Variants in CROCC observed in about 807,000 individuals in gnomAD.
The protein encoded by CROCC is ciliary rootlet coiled-coil, rootletin, also known as rootletin.
A neutral mutation model predicts 245.2 loss-of-function variants in CROCC; 180 were observed. That is an observed-to-expected ratio of 0.73 (90% CI 0.65 to 0.83). CROCC has a LOEUF of 0.83. Among genes scored for constraint, CROCC ranks in the 40% least tolerant of loss-of-function variants. CROCC has a pLI of 0.00. For synonymous variants in CROCC, 1,205 were observed against 1,241.6 expected, an observed-to-expected ratio of 0.97 and a Z score of 0.62; for missense variants, 2,688 against 2,779.4, an observed-to-expected ratio of 0.97 and a Z score of 0.74.
In CROCC at chr1:16,946,943, C is replaced by T. The variant is rs1329439649; in HGVS notation, c.2466C>T (p.Leu822=). The change falls in exon 17 of 37, where the codon CTC becomes CTT. Residue 822 remains leucine (L), a synonymous_variant. Coordinates refer to ENST00000375541, the MANE Select transcript of CROCC (RefSeq NM_014675.5). The part of the protein sequence containing the change: ...EQAQEALEQQ[L]PTLRHERSQL... ...CCCAGGAGGCATTGGAGCAGCAGCTCCCCACGCTGCGCCATGAGCGCAGCC... is the reference window on the plus strand; with the variant it reads ...CCCAGGAGGCATTGGAGCAGCAGCTTCCCACGCTGCGCCATGAGCGCAGCC... The T allele has an allele frequency of 1.3e-6, 2 of 1,560,436 alleles. No individual in the cohort carries two copies. Among genetic ancestry groups the T allele is most frequent in the Non-Finnish European group, 1.7e-6 (2 of 1,152,964 alleles).
At chr1:16,917,169 G>A (rs2075315836), upstream of CROCC, among the ~76,000 whole-genome samples, 2 of 152,294 alleles carry the variant, frequency 1.3e-5, no homozygotes, top group African/African-American at 2.4e-5. Flanking sequence ...GGCACACCTA[G>A]GTCGCGGCTG....
chr1:16,948,034 TC>T (rs1366229783), intron 17 of CROCC, among the ~76,000 whole-genome samples: 1 of 152,288 alleles, frequency 6.6e-6, no homozygotes, highest in Non-Finnish European at 1.5e-5. Context: ...AGACAGGGTT[TC>T]ACCCCGTTGG....
At chr1:16,933,751 A>T (rs571803222) in intron 8 of CROCC, among the ~76,000 whole-genome samples, 2 of 152,350 alleles carry the variant, frequency 1.3e-5, no homozygotes, top group South Asian at 4.1e-4. Context: ...TTTTTAGTAG[A>T]GATGGGGGCT....
chr1:16,949,348 G>A (rs1291973604), intron 19 of CROCC, among the ~76,000 whole-genome samples: 1 of 152,100 alleles, frequency 6.6e-6, no homozygotes, highest in East Asian at 1.9e-4. Flanking sequence ...CTGAACTCAG[G>A]GCTTCTTTCT....
rs532862774 is a variant in CROCC, at chr1:16,950,947, G to T, written c.2837-6G>T. The stretch of plus-strand genomic sequence containing the variant: ...CCCTGCCCTTTCCCCCATTCCTCTC[G>T]TGCAGGGGAGTTGGCGGGCCTGCGG... On this transcript the variant is annotated splice_region_variant and splice_polypyrimidine_tract_variant and intron_variant, in intron 19 of 36. Coordinates refer to ENST00000375541, the MANE Select transcript of CROCC (RefSeq NM_014675.5). The T allele has an allele frequency of 1.9e-6, 3 of 1,538,508 alleles. No individual in the cohort carries two copies. Among genetic ancestry groups the T allele is most frequent in the Middle Eastern group, 2.4e-4 (1 of 4,224 alleles).
At chr1:16,957,649 G>A (rs1346934379) in intron 25 of CROCC, among the ~76,000 whole-genome samples, 1 of 151,810 alleles carries the variant, frequency 6.6e-6, no homozygotes, top group African/African-American at 2.4e-5. Flanking sequence ...TTCACCATGT[G>A]GGCCAGGCTG....
chr1:16,921,967 G>T lies in CROCC; in HGVS notation c.-52G>T, dbSNP rs1281284248. 1 of 1,507,112 alleles carries T rather than the reference G, an allele frequency of 6.6e-7. No individual in the cohort carries two copies. The highest frequency in any genetic ancestry group is 1.4e-5 in the African/African-American group (1 of 72,522). The allele number at this position is 1,507,112 out of a possible 1,614,324, so 93.4% of individuals were successfully genotyped here. Reference sequence around the variant, plus strand: ...GCTGTGGCGCGTGCTGACTGAGCTAGTCTTGGGGTCCTGGAGAAGGGGGCT... The same window carrying T: ...GCTGTGGCGCGTGCTGACTGAGCTATTCTTGGGGTCCTGGAGAAGGGGGCT... On this transcript the variant is annotated 5_prime_UTR_variant, in exon 1 of 37. Coordinates refer to ENST00000375541, the MANE Select transcript of CROCC (RefSeq NM_014675.5).
At chr1:16,944,348 C>T in intron 14 of CROCC, 66 bp downstream of exon 14, 2 of 1,448,970 alleles carry the variant, frequency 1.4e-6, no homozygotes, top group Middle Eastern at 2.0e-4. Context: ...GACAGTGCCC[C>T]CCTGGGGTTA....
intron 27 of CROCC, among the ~76,000 whole-genome samples, chr1:16,963,229 T>G (rs1482375028): frequency 2.0e-5 from 3 of 146,810 alleles, no homozygotes; most frequent in Non-Finnish European, 4.5e-5. Flanking sequence ...AGGTAGGGGC[T>G]AGGGCAGTTC....
At position 16,954,675 on chromosome 1, in the gene CROCC, G is replaced by C; in HGVS notation, c.3322-59G>C. ...GTGGACAGTGCACTGAGCGGGTTGGGAGCAGCCCGGGGCTGGGGGACACAG... is the reference window on the plus strand; with the variant it reads ...GTGGACAGTGCACTGAGCGGGTTGGCAGCAGCCCGGGGCTGGGGGACACAG... On this transcript the variant is annotated intron_variant, in intron 22 of 36. Transcript: ENST00000375541. The surrounding 1 kb of genome is among the most constrained non-coding windows in gnomAD (Gnocchi z 4.4). The C allele has an allele frequency of 1.3e-6, 2 of 1,493,742 alleles. No individual in the cohort carries two copies. The highest frequency in any genetic ancestry group is 1.8e-6 in the Non-Finnish European group (2 of 1,115,832). The allele number at this position is 1,493,742 out of a possible 1,614,324, so 92.5% of individuals were successfully genotyped here.
In CROCC at chr1:16,936,788, C is replaced by A; in HGVS notation, c.1108C>A (p.Gln370Lys). The change falls in exon 9 of 37, where the codon CAG becomes AAG. Residue 370 changes from glutamine (Q) to lysine (K), a missense_variant. This residue lies in a region of CROCC where 972 missense variants were observed against 895.3 expected (regional missense o/e 1.09). Transcript: ENST00000375541. ...QALLQAQLEEQLRDKVLREKD... is the reference protein window; with the variant it reads ...QALLQAQLEEKLRDKVLREKD... ...CCTGCTGCAGGCCCAGCTGGAGGAG[C>A]AGCTGCGGGACAAGGTGCTCCGCGA... is the stretch of plus-strand genomic sequence containing the variant. The A allele has an allele frequency of 6.2e-7, 1 of 1,611,914 alleles. No individual in the cohort carries two copies. The highest frequency in any genetic ancestry group is 8.5e-7 in the Non-Finnish European group (1 of 1,179,792).
chr1:16,970,145 G>T, intron 33 of CROCC, 108 bp from the exon 34 acceptor site: 2 of 1,241,406 alleles, frequency 1.6e-6, no homozygotes, highest in Non-Finnish European at 1.1e-6. Flanking sequence ...TCTGATGTGG[G>T]CCTCACCGTC....
intron 8 of CROCC, among the ~76,000 whole-genome samples, chr1:16,936,156 G>A (rs1181457620): frequency 6.6e-6 from 1 of 151,900 alleles, no homozygotes; most frequent in Non-Finnish European, 1.5e-5. Context: ...GTCTCACTAT[G>A]TTTCCCATGC....
At chr1:16,939,198 C>T in intron 12 of CROCC, 56 bp downstream of exon 12, 4 of 1,204,230 alleles carry the variant, frequency 3.3e-6, no homozygotes, top group Non-Finnish European at 4.3e-6. Context: ...GAGGGGCTCG[C>T]GCCCTCCGGG....
intron 8 of CROCC, among the ~76,000 whole-genome samples, chr1:16,936,425 G>A (rs2075788807): frequency 2.0e-5 from 3 of 152,256 alleles, no homozygotes; most frequent in Admixed American, 2.0e-4. Flanking sequence ...GCGCCACCAT[G>A]CCTGGCTAAT....
At chr1:16,922,208 G>C in intron 1 of CROCC, 130 bp downstream of exon 1, 1 of 992,066 alleles carries the variant, frequency 1.0e-6, no homozygotes, top group Non-Finnish European at 1.5e-6. Context: ...GTATACAGGG[G>C]CCCCCCGCTT....
rs149896328 is a variant in CROCC at position 16,936,850 on chromosome 1, G to A, written c.1170G>A (p.Leu390=). 3 of 1,611,736 alleles carry A rather than the reference G, an allele frequency of 1.9e-6. No homozygotes were observed. Among genetic ancestry groups the A allele is most frequent in the African/African-American group, 2.7e-5 (2 of 74,932 alleles). Residue 390 remains leucine (L), a synonymous_variant, in exon 9 of 37, where the codon CTG becomes CTA. Coordinates refer to ENST00000375541, the MANE Select transcript of CROCC (RefSeq NM_014675.5). ...DLAQQQMQSD[L]DKADLSARVT... is the part of the protein sequence containing the mutation. Reference sequence around the variant, plus strand: ...CGCAGCAGCAGATGCAAAGCGACCTGGACAAGGCTGACCTCAGTGCCAGGT... The same window carrying A: ...CGCAGCAGCAGATGCAAAGCGACCTAGACAAGGCTGACCTCAGTGCCAGGT...
chr1:16,917,322 G>T (rs2075318754), upstream of CROCC, among the ~76,000 whole-genome samples: 1 of 152,296 alleles, frequency 6.6e-6, no homozygotes, highest in Non-Finnish European at 1.5e-5. Flanking sequence ...TTGGGCACAG[G>T]GCCTGGCTCG....
chr1:16,953,063 T>C, intron 20 of CROCC: 1 of 521,612 alleles, frequency 1.9e-6, no homozygotes, highest in Middle Eastern at 5.1e-4. Context: ...GGCTGACAGT[T>C]ACTTGTCCCT....
Sources: gnomAD v4.1 joint callset for allele counts (sites outside exome capture counted in the v4.1 genomes callset) on GRCh38, gnomAD v4.1.1 for gene constraint, gnomAD v4.1.1 regional missense constraint, Gnocchi (gnomAD v3.1) non-coding constraint, MANE v1.5 for transcripts, NCBI Gene and HGNC (gene_info 2026-07-23, HGNC 2026-07-21) for gene names.